The following RPS6KA2 variants were observed in gnomAD, a reference collection of about 807,000 sequenced individuals.
The protein encoded by RPS6KA2 is ribosomal protein S6 kinase A2.
In RPS6KA2, 42 loss-of-function variants were observed where a neutral mutation model predicts 91.8. The observed-to-expected ratio is 0.46, with a 90% CI of 0.36 to 0.59. RPS6KA2 has a LOEUF of 0.59. Among genes scored for constraint, RPS6KA2 ranks in the 20% least tolerant of loss-of-function variants. The pLI is 0.00. For missense variants in RPS6KA2, 798 were observed against 978.5 expected, an observed-to-expected ratio of 0.82 and a Z score of 2.46; for synonymous variants, 414 against 393.6, an observed-to-expected ratio of 1.05 and a Z score of -0.61.
intron 1 of RPS6KA2, among the ~76,000 whole-genome samples, chr6:166,621,829 C>T (rs148932887): frequency 6.6e-6 from 1 of 152,210 alleles, no homozygotes; most frequent in Non-Finnish European, 1.5e-5. Context: ...TTGACCCGAA[C>T]GTTGCCTTCA....
At chr6:166,560,944 T>C (rs1039530005) in intron 1 of RPS6KA2, among the ~76,000 whole-genome samples, 5 of 152,152 alleles carry the variant, frequency 3.3e-5, no homozygotes, top group Non-Finnish European at 5.9e-5. Context: ...GGTGTTTTTT[T>C]TTTTCCCTGA....
chr6:166,718,682 C>A (rs11966441), intron 2 of RPS6KA2, among the ~76,000 whole-genome samples: 41,239 of 152,116 alleles, frequency 0.27, 6,603 homozygotes, highest in African/African-American at 0.46. Flanking sequence ...TCAATACAGA[C>A]GTATCTGTAA....
chr6:166,654,704 T>C (rs1311083968), intron 2 of RPS6KA2, among the ~76,000 whole-genome samples: 1 of 152,242 alleles, frequency 6.6e-6, no homozygotes, highest in Non-Finnish European at 1.5e-5. Context: ...TCAGGGCAGC[T>C]GCTCTGTAGA....
At chr6:166,642,927 C>T (rs1787490481) in intron 2 of RPS6KA2, among the ~76,000 whole-genome samples, 1 of 152,158 alleles carries the variant, frequency 6.6e-6, no homozygotes, top group South Asian at 2.1e-4. Flanking sequence ...CATTTTCCTC[C>T]AAGACAAAAG....
At chr6:166,858,240 T>C (rs1206394796) in exon 2 of RPS6KA2, 1 of 1,542,820 alleles carries the variant, frequency 6.5e-7, no homozygotes. Flanking sequence ...CACATCCAGG[T>C]TGAGATCCTC....
chr6:166,583,159 C>T (rs1302721743), intron 1 of RPS6KA2, among the ~76,000 whole-genome samples: 11 of 152,176 alleles, frequency 7.2e-5, no homozygotes, highest in Non-Finnish European at 1.6e-4. Flanking sequence ...TATCATATTA[C>T]ACATAATTAG....
At chr6:166,706,565 T>A (rs528742259) in intron 2 of RPS6KA2, among the ~76,000 whole-genome samples, 1 of 152,308 alleles carries the variant, frequency 6.6e-6, no homozygotes, top group East Asian at 1.9e-4. Flanking sequence ...TGAGCAGTCA[T>A]GAAGATGAAG....
chr6:166,680,542 C>T (rs181455136), intron 2 of RPS6KA2, among the ~76,000 whole-genome samples: 1 of 152,288 alleles, frequency 6.6e-6, no homozygotes, highest in Non-Finnish European at 1.5e-5. Context: ...TGAACTGTAA[C>T]ATCTCCACGA....
intron 1 of RPS6KA2, among the ~76,000 whole-genome samples, chr6:166,551,097 G>C (rs542289974): frequency 1.3e-5 from 2 of 151,216 alleles, no homozygotes; most frequent in East Asian, 3.9e-4. Context: ...ACATTAAGTA[G>C]TTTTCTAGAC....
At chr6:166,680,024 G>A (rs1344586616) in intron 2 of RPS6KA2, among the ~76,000 whole-genome samples, 1 of 152,224 alleles carries the variant, frequency 6.6e-6, no homozygotes, top group East Asian at 1.9e-4. Context: ...CTAAAGGATT[G>A]TAAACCCACC....
At chr6:166,640,230 A>G (rs977306747) in intron 2 of RPS6KA2, among the ~76,000 whole-genome samples, 1 of 151,850 alleles carries the variant, frequency 6.6e-6, no homozygotes, top group African/African-American at 2.4e-5. Context: ...GAAAAAAAAA[A>G]CCCATCATAG....
Position 166,571,196 on chromosome 6 carries a change from G to A in RPS6KA2, c.100-32412C>T, listed in dbSNP as rs566013557. ...CAGTAAGCGCGGGACCAACCCATAA[G>A]GGATACCGGGGAAACTGCCATGAAA... On this transcript the variant is annotated intron_variant, in intron 1 of 20. Coordinates refer to ENST00000265678, the MANE Select transcript of RPS6KA2 (RefSeq NM_021135.6). Among the ~76,000 whole-genome samples the A allele has an allele frequency of 2.8e-3, 428 of 152,298 alleles. 1 individual carries two copies. Among genetic ancestry groups the A allele is most frequent in the African/African-American group, 6.9e-3 (288 of 41,554 alleles).
chr6:166,647,527 G>A (rs1197906043), intron 2 of RPS6KA2, among the ~76,000 whole-genome samples: 1 of 152,190 alleles, frequency 6.6e-6, no homozygotes, highest in East Asian at 1.9e-4. Context: ...GTACTTTTAA[G>A]GATAAAGTTC....
intron 2 of RPS6KA2, among the ~76,000 whole-genome samples, chr6:166,790,800 GACAA>G (rs1208665191): frequency 6.6e-6 from 1 of 152,162 alleles, no homozygotes; most frequent in Non-Finnish European, 1.5e-5. Flanking sequence ...ATCCTTTACA[GACAA>G]ACAAATGCTG....
At chr6:166,510,410 G>A in intron 3 of RPS6KA2, 53 bp from the exon 4 acceptor site, 4 of 1,197,736 alleles carry the variant, frequency 3.3e-6, no homozygotes, top group Admixed American at 2.0e-5. Context: ...AGAGTTCTGA[G>A]GAACACTGAA....
rs745730689 is a variant in RPS6KA2, at chr6:166,418,271, T to C, written c.1892A>G (p.Tyr631Cys). The change falls in exon 19 of 21, where the codon TAT becomes TGT. Residue 631 changes from tyrosine (Y) to cysteine (C), a missense_variant. By Grantham distance (194) the Tyr-to-Cys change is radical (BLOSUM62 -2). Transcript: ENST00000265678. The surrounding 1 kb of genome is among the most constrained non-coding windows in gnomAD (Gnocchi z 4.9). ...GTCCCAGTTTCCCCCAGAAAGGGCA[T>C]ACTTCCCACTGCCGATCCGCGCCAG... Reference protein sequence around the residue: ...EILARIGSGKYALSGGNWDSI... With the variant: ...EILARIGSGKCALSGGNWDSI... The C allele has an allele frequency of 1.2e-6, 2 of 1,614,070 alleles. No individual in the cohort carries two copies.
intron 2 of RPS6KA2, among the ~76,000 whole-genome samples, chr6:166,693,447 A>T (rs1789267806): frequency 6.6e-6 from 1 of 152,210 alleles, no homozygotes; most frequent in South Asian, 2.1e-4. Context: ...AATGGAAAAA[A>T]GGAGCGTCTC....
chr6:166,743,792 C>G (rs1273058437), intron 2 of RPS6KA2, among the ~76,000 whole-genome samples: 2 of 151,832 alleles, frequency 1.3e-5, no homozygotes, highest in Non-Finnish European at 2.9e-5. Context: ...GGCTGGTGGT[C>G]AGTGCACAGC....
At chr6:166,632,666 TA>T (rs1373581192) in intron 2 of RPS6KA2, among the ~76,000 whole-genome samples, 4 of 139,410 alleles carry the variant, frequency 2.9e-5, no homozygotes, top group African/African-American at 8.1e-5. Context: ...CTGGAGAAAA[TA>T]AAAAGAATGA....
Sources: gnomAD v4.1 joint callset for allele counts (sites outside exome capture counted in the v4.1 genomes callset) on GRCh38, gnomAD v4.1.1 for gene constraint, Gnocchi (gnomAD v3.1) non-coding constraint, MANE v1.5 for transcripts, NCBI Gene and HGNC (gene_info 2026-07-23, HGNC 2026-07-21) for gene names.